PLCXD2: variants seen among roughly 807,000 people sequenced by gnomAD.
The protein encoded by PLCXD2 is phosphatidylinositol specific phospholipase C X domain containing 2, also known as PI-PLC X domain-containing protein 2.
PLCXD2 carries 21 observed loss-of-function variants against 28.6 expected under a neutral mutation model. The ratio of observed to expected loss-of-function variants is 0.73; its 90% CI spans 0.52 to 1.06. The LOEUF is 1.06. Ranked by LOEUF, PLCXD2 falls within the 50% of genes least tolerant of loss-of-function variation. PLCXD2 has a pLI of 0.00. For synonymous variants in PLCXD2, 140 were observed against 150.1 expected, an observed-to-expected ratio of 0.93 and a Z score of 0.49; for missense variants, 369 against 376.7, an observed-to-expected ratio of 0.98 and a Z score of 0.17.
intron 1 of PLCXD2, among the ~76,000 whole-genome samples, chr3:111,681,710 C>T (rs1014222742): frequency 3.3e-5 from 5 of 152,160 alleles, no homozygotes; most frequent in African/African-American, 9.7e-5. Context: ...GCAAAACATG[C>T]CCACTGACAC....
At chr3:111,711,055 A>G (rs1184026868) in intron 2 of PLCXD2, among the ~76,000 whole-genome samples, 1 of 152,198 alleles carries the variant, frequency 6.6e-6, no homozygotes, top group East Asian at 1.9e-4. Flanking sequence ...ATCAGTTTAA[A>G]TCCTAAGATC....
At chr3:111,704,395 C>G (rs1448209407) in intron 1 of PLCXD2, among the ~76,000 whole-genome samples, 2 of 151,972 alleles carry the variant, frequency 1.3e-5, no homozygotes, top group African/African-American at 2.4e-5. Flanking sequence ...AACCAATAAC[C>G]AAAATGAAAG....
chr3:111,701,136 C>G (rs1051498772), intron 1 of PLCXD2, among the ~76,000 whole-genome samples: 1 of 152,190 alleles, frequency 6.6e-6, no homozygotes, highest in African/African-American at 2.4e-5. Flanking sequence ...CCTTCACACT[C>G]TGATTTCTGA....
intron 3 of PLCXD2, among the ~76,000 whole-genome samples, chr3:111,716,261 G>A (rs1941266022): frequency 6.6e-6 from 1 of 152,182 alleles, no homozygotes; most frequent in South Asian, 2.1e-4. Context: ...CCTCTGGGCT[G>A]TTGAACAAAC....
At chr3:111,683,524 T>G (rs1940747881) in intron 1 of PLCXD2, among the ~76,000 whole-genome samples, 1 of 152,138 alleles carries the variant, frequency 6.6e-6, no homozygotes, top group Non-Finnish European at 1.5e-5. Flanking sequence ...CCAGCAGTTA[T>G]TAGGGATACT....
intron 1 of PLCXD2, among the ~76,000 whole-genome samples, chr3:111,706,473 T>C (rs1385497168): frequency 3.3e-5 from 5 of 152,284 alleles, no homozygotes; most frequent in Admixed American, 3.3e-4. Flanking sequence ...ATTTCTTCTA[T>C]GTTTGCTTAT....
chr3:111,714,777 C>T (rs565205482), intron 3 of PLCXD2, among the ~76,000 whole-genome samples: 41 of 152,112 alleles, frequency 2.7e-4, no homozygotes, highest in Admixed American at 4.6e-4. Flanking sequence ...TGTGTGTGCG[C>T]GCACATATAT....
intron 1 of PLCXD2, among the ~76,000 whole-genome samples, chr3:111,686,367 G>C (rs559163009): frequency 6.6e-6 from 1 of 152,256 alleles, no homozygotes; most frequent in African/African-American, 2.4e-5. Flanking sequence ...GCCTTAAACA[G>C]TTGCTTTATT....
At chr3:111,678,796 C>T (rs1940665241) in intron 1 of PLCXD2, among the ~76,000 whole-genome samples, 1 of 151,946 alleles carries the variant, frequency 6.6e-6, no homozygotes, top group African/African-American at 2.4e-5. Context: ...TATTTTGTTG[C>T]CTGTTCTTTG....
chr3:111,720,853 C>A, intron 3 of PLCXD2: 1 of 416,810 alleles, frequency 2.4e-6, no homozygotes, highest in Non-Finnish European at 4.4e-6. Context: ...TGACCTCCTA[C>A]AGGAGGACAC....
chr3:111,694,367 C>A (rs561847034), intron 1 of PLCXD2, among the ~76,000 whole-genome samples: 1 of 152,300 alleles, frequency 6.6e-6, no homozygotes, highest in South Asian at 2.1e-4. Context: ...CTCCAGCTAC[C>A]AGTATTCACT....
intron 1 of PLCXD2, chr3:111,691,511 A>C (rs913683807): frequency 6.6e-6 from 1 of 152,200 alleles, no homozygotes; most frequent in Non-Finnish European, 1.5e-5. Flanking sequence ...CTGTGTCCCT[A>C]TGTAGAAATT....
At chr3:111,703,184 G>T (rs1008704560) in intron 1 of PLCXD2, among the ~76,000 whole-genome samples, 1 of 152,164 alleles carries the variant, frequency 6.6e-6, no homozygotes, top group African/African-American at 2.4e-5. Context: ...TCATTGTTCT[G>T]TCCTGTCCTG....
intron 2 of PLCXD2, among the ~76,000 whole-genome samples, chr3:111,711,762 C>T (rs1004455178): frequency 3.9e-5 from 6 of 152,118 alleles, no homozygotes; most frequent in Admixed American, 1.3e-4. Flanking sequence ...CTAGGGAATA[C>T]GAAACAACTG....
intron 1 of PLCXD2, among the ~76,000 whole-genome samples, chr3:111,701,194 C>T (rs1941037293): frequency 6.6e-6 from 1 of 152,198 alleles, no homozygotes; most frequent in Non-Finnish European, 1.5e-5. Flanking sequence ...TCAGCACTTA[C>T]TAAGTGTCAG....
chr3:111,714,050 C>G lies in PLCXD2; in HGVS notation c.788C>G (p.Ser263Cys), dbSNP rs1342557585. The G allele has an allele frequency of 3.0e-5, 48 of 1,614,050 alleles. No individual in the cohort carries two copies. Among genetic ancestry groups the G allele is most frequent in the Non-Finnish European group, 3.9e-5 (46 of 1,180,036 alleles). The stretch of plus-strand genomic sequence containing the variant: ...GCCTCACGGGGCTCCTTCCATGTCT[C>G]CCAAGCGATCCTCACCCCCAGAGTG... The change falls in exon 3 of 5, where the codon TCC becomes TGC. Residue 263 changes from serine to cysteine, a missense_variant. By Grantham distance (112) the Ser-to-Cys change is moderately radical. Coordinates refer to ENST00000477665, the MANE Select transcript of PLCXD2 (RefSeq NM_001185106.1).
chr3:111,706,189 A>G (rs1341282926), intron 1 of PLCXD2, among the ~76,000 whole-genome samples: 1 of 152,110 alleles, frequency 6.6e-6, no homozygotes, highest in African/African-American at 2.4e-5. Flanking sequence ...ATGTCTATTT[A>G]ATTCTTTTGT....
At chr3:111,704,752 A>G (rs1941093154) in intron 1 of PLCXD2, among the ~76,000 whole-genome samples, 1 of 152,084 alleles carries the variant, frequency 6.6e-6, no homozygotes, top group Non-Finnish European at 1.5e-5. Context: ...ACAATAAATT[A>G]TAGTCAATCA....
chr3:111,686,958 G>A (rs774829479), intron 1 of PLCXD2, among the ~76,000 whole-genome samples: 2 of 152,134 alleles, frequency 1.3e-5, no homozygotes, highest in African/African-American at 4.8e-5. Context: ...CAGGTGCAAG[G>A]GGTGAAAAGG....
Sources: allele counts gnomAD v4.1 joint callset (sites outside exome capture counted in the v4.1 genomes callset), GRCh38; gene constraint gnomAD v4.1.1; transcripts MANE v1.5; gene names NCBI Gene and HGNC (gene_info 2026-07-23, HGNC 2026-07-21).